Variants in MBNL2 observed in about 807,000 individuals in gnomAD.
MBNL2 encodes the protein muscleblind like splicing regulator 2.
Under a neutral mutation model 41.9 loss-of-function variants are expected in MBNL2, and 17 were observed. The ratio of observed to expected loss-of-function variants is 0.41; its 90% CI spans 0.28 to 0.61. The LOEUF is 0.61. Ranked by LOEUF, MBNL2 falls within the 20% of genes least tolerant of loss-of-function variation. The probability of loss-of-function intolerance (pLI) is 0.35; values close to 1 mark genes in which losing one functional copy is unlikely to be tolerated. For synonymous variants in MBNL2, 195 were observed against 182.9 expected (o/e 1.07, Z -0.53); for missense variants, 336 against 505.6 (o/e 0.66, Z 3.22).
chr13:97,229,735 A>G (rs2152777965), intron 1 of MBNL2, among the ~76,000 whole-genome samples: 1 of 152,228 alleles, frequency 6.6e-6, no homozygotes, highest in South Asian at 2.1e-4. Flanking sequence ...TGGAGTCAGG[A>G]TATGAATGAG....
intron 1 of MBNL2, among the ~76,000 whole-genome samples, chr13:97,227,790 C>G (rs1566352435): frequency 6.6e-6 from 1 of 152,076 alleles, no homozygotes; most frequent in Non-Finnish European, 1.5e-5. Context: ...GACTTTGGGA[C>G]CATTGGTAGC....
At chr13:97,389,098 C>A (rs1012911258) in intron 8 of MBNL2, among the ~76,000 whole-genome samples, 1 of 152,182 alleles carries the variant, frequency 6.6e-6, no homozygotes, top group African/African-American at 2.4e-5. Flanking sequence ...TATAATAGCT[C>A]ATCGGTAGAC....
chr13:97,173,484 T>C, the MBNL2 span, among the ~76,000 whole-genome samples: 2 of 152,230 alleles, frequency 1.3e-5, no homozygotes, highest in African/African-American at 4.8e-5. Flanking sequence ...CTCCAATGAC[T>C]GCCTTTCATT....
chr13:97,211,434 T>A, the MBNL2 span, among the ~76,000 whole-genome samples: 1 of 152,144 alleles, frequency 6.6e-6, no homozygotes, highest in Non-Finnish European at 1.5e-5. Flanking sequence ...CAATTCTCAT[T>A]TTGTTTTGCT....
At chr13:97,320,641 G>A (rs1385847614) in intron 2 of MBNL2, among the ~76,000 whole-genome samples, 1 of 152,026 alleles carries the variant, frequency 6.6e-6, no homozygotes, top group Admixed American at 6.5e-5. Flanking sequence ...CGGCCACGCA[G>A]GGTGGCTCAT....
chr13:97,159,685 G>T, the MBNL2 span, among the ~76,000 whole-genome samples: 1 of 150,166 alleles, frequency 6.7e-6, no homozygotes, highest in Non-Finnish European at 1.5e-5. Context: ...TGAAATTCTG[G>T]GTTGAAAATT....
At chr13:97,217,567 G>T (rs772042609), upstream of MBNL2, among the ~76,000 whole-genome samples, 1 of 152,162 alleles carries the variant, frequency 6.6e-6, no homozygotes, top group Non-Finnish European at 1.5e-5. Context: ...GATTTTTCAT[G>T]AAGAAGGAAT....
At chr13:97,215,745 G>T in the MBNL2 span, among the ~76,000 whole-genome samples, 1 of 151,998 alleles carries the variant, frequency 6.6e-6, no homozygotes. Flanking sequence ...GGAACAATTA[G>T]GTATTATTTT....
chr13:97,253,135 G>A (rs2046880942), intron 1 of MBNL2, among the ~76,000 whole-genome samples: 1 of 152,136 alleles, frequency 6.6e-6, no homozygotes, highest in Non-Finnish European at 1.5e-5. Flanking sequence ...GTTCAGGATA[G>A]TACATTTAAG....
chr13:97,229,604 G>A (rs2042111666), intron 1 of MBNL2, among the ~76,000 whole-genome samples: 1 of 152,180 alleles, frequency 6.6e-6, no homozygotes, highest in South Asian at 2.1e-4. Context: ...AGAGGCCAGT[G>A]GTCAAAATCT....
chr13:97,154,411 TTCAAGCAATTCTCCTGCC>T, the MBNL2 span, among the ~76,000 whole-genome samples: 1 of 152,132 alleles, frequency 6.6e-6, no homozygotes, highest in African/African-American at 2.4e-5. Context: ...ACCTCTCGGA[TTCAAGCAATTCTCCTGCC>T]TCAGCCTCCC....
Position 97,345,878 on chromosome 13 carries a change from A to C in MBNL2, c.541-926A>C, listed in dbSNP as rs112686541. Among the ~76,000 whole-genome samples, 481 of 151,926 alleles carry C rather than the reference A, an allele frequency of 3.2e-3. 5 individuals are homozygous for C. The East Asian group carries it at 0.039, about 12-fold the overall frequency. ...GTGAAATTATCCCTCCACACACACA[A>C]AAAAAAACCTATAGCATTGTCAGAA... On this transcript the variant is annotated intron_variant, in intron 4 of 8. Transcript: ENST00000679496.
At chr13:97,187,183 A>T in the MBNL2 span, among the ~76,000 whole-genome samples, 1 of 152,152 alleles carries the variant, frequency 6.6e-6, no homozygotes, top group African/African-American at 2.4e-5. Context: ...TAGACTAGAA[A>T]GTATGTAATT....
At chr13:97,234,178 C>T (rs2042880620) in intron 1 of MBNL2, among the ~76,000 whole-genome samples, 1 of 152,186 alleles carries the variant, frequency 6.6e-6, no homozygotes, top group African/African-American at 2.4e-5. Context: ...CTTCCTCATG[C>T]TGAAATGAAA....
chr13:97,257,286 C>T (rs1016195538), intron 1 of MBNL2, among the ~76,000 whole-genome samples: 7 of 151,970 alleles, frequency 4.6e-5, no homozygotes, highest in Admixed American at 1.3e-4. Context: ...GAAGCCTGCA[C>T]GTAGGAACTC....
chr13:97,174,322 A>G, the MBNL2 span, among the ~76,000 whole-genome samples: 1 of 152,182 alleles, frequency 6.6e-6, no homozygotes, highest in African/African-American at 2.4e-5. Flanking sequence ...GTTACACAGA[A>G]AAGTTGACCC....
chr13:97,253,606 A>G (rs2046980604), intron 1 of MBNL2, among the ~76,000 whole-genome samples: 1 of 152,202 alleles, frequency 6.6e-6, no homozygotes, highest in African/African-American at 2.4e-5. Context: ...GGTTTCTCAG[A>G]TGAGGAAAGT....
chr13:97,166,801 T>C, the MBNL2 span, among the ~76,000 whole-genome samples: 4 of 148,956 alleles, frequency 2.7e-5, no homozygotes, highest in Non-Finnish European at 5.9e-5. Flanking sequence ...GATAGATAGA[T>C]AGATAGATAG....
At chr13:97,306,753 G>T (rs1264545284) in intron 2 of MBNL2, among the ~76,000 whole-genome samples, 1 of 152,204 alleles carries the variant, frequency 6.6e-6, no homozygotes, top group Non-Finnish European at 1.5e-5. Flanking sequence ...CTACTTATGA[G>T]CTCATTTTTC....
Sources: gnomAD v4.1 joint callset for allele counts (sites outside exome capture counted in the v4.1 genomes callset) on GRCh38, gnomAD v4.1.1 for gene constraint, MANE v1.5 for transcripts, NCBI Gene and HGNC (gene_info 2026-07-23, HGNC 2026-07-21) for gene names.